The following GPC5 variants were observed in gnomAD, a reference collection of about 807,000 sequenced individuals.
The protein encoded by GPC5 is glypican 5, also known as glypican-5.
Under a neutral mutation model 53.9 loss-of-function variants are expected in GPC5, and 47 were observed. The ratio of observed to expected loss-of-function variants is 0.87; its 90% CI spans 0.69 to 1.11. GPC5 has a LOEUF of 1.11. Ranked by LOEUF, GPC5 falls within the 50% of genes most tolerant of loss-of-function variation. GPC5 has a pLI of 0.00. For synonymous variants in GPC5, 286 were observed against 263.3 expected, an observed-to-expected ratio of 1.09 and a Z score of -0.84; for missense variants, 748 against 713.1, an observed-to-expected ratio of 1.05 and a Z score of -0.56.
chr13:92,415,088 A>C (rs1876227324), intron 7 of GPC5, among the ~76,000 whole-genome samples: 1 of 152,226 alleles, frequency 6.6e-6, no homozygotes, highest in African/African-American at 2.4e-5. Flanking sequence ...GGAATGAAAG[A>C]AGCTGGAATG....
chr13:92,493,979 T>C (rs1879863373), intron 7 of GPC5, among the ~76,000 whole-genome samples: 1 of 152,230 alleles, frequency 6.6e-6, no homozygotes, highest in South Asian at 2.1e-4. Flanking sequence ...AAAAATATAA[T>C]TCACAATTCA....
chr13:92,196,808 C>T (rs968028642), intron 7 of GPC5, among the ~76,000 whole-genome samples: 3 of 59,942 alleles, frequency 5.0e-5, no homozygotes, highest in East Asian at 0.01. Context: ...GATAAACAGG[C>T]GCAGACAGAA....
chr13:91,809,941 G>A (rs1226284480), intron 5 of GPC5, among the ~76,000 whole-genome samples: 1 of 151,964 alleles, frequency 6.6e-6, no homozygotes, highest in Admixed American at 6.6e-5. Context: ...GAAGGTTATG[G>A]TGTGAAATCT....
At chr13:92,182,731 C>CG (rs1295351541) in intron 7 of GPC5, among the ~76,000 whole-genome samples, 1 of 151,876 alleles carries the variant, frequency 6.6e-6, no homozygotes, top group Non-Finnish European at 1.5e-5. Context: ...TAGCCGGGCG[C>CG]GGTGGTGGGC....
intron 2 of GPC5, among the ~76,000 whole-genome samples, chr13:91,504,602 C>T (rs549357297): frequency 1.3e-5 from 2 of 152,122 alleles, no homozygotes; most frequent in East Asian, 1.9e-4. Context: ...AAAATAAATA[C>T]GTAACCTTAG....
chr13:92,572,758 T>C (rs555869327), intron 7 of GPC5, among the ~76,000 whole-genome samples: 7 of 152,176 alleles, frequency 4.6e-5, no homozygotes, highest in Non-Finnish European at 1.0e-4. Flanking sequence ...CTTCATGATT[T>C]ATTATTCTGT....
intron 7 of GPC5, among the ~76,000 whole-genome samples, chr13:92,795,520 C>A (rs1876641002): frequency 1.3e-5 from 2 of 152,084 alleles, no homozygotes; most frequent in African/African-American, 4.8e-5. Context: ...CAACAAAAGC[C>A]AAAATAGACT....
rs143203362 is a variant in GPC5, at chr13:92,566,951, T to G, written c.1562-299331T>G. 3.1e-3 allele frequency among the ~76,000 whole-genome samples: 468 copies of G among 152,302 alleles called. 6 individuals carry two copies. The highest frequency in any genetic ancestry group is 0.01 in the South Asian group (49 of 4,832). On this transcript the variant is annotated intron_variant, in intron 7 of 7. Coordinates refer to ENST00000377067, the MANE Select transcript of GPC5 (RefSeq NM_004466.6). ...GAGGATGATTATAATAAATATTTGA[T>G]GACACATTGAAATTCTTCATGATTG... is the stretch of plus-strand genomic sequence containing the variant.
chr13:92,806,062 G>A lies in GPC5; in HGVS notation c.1562-60220G>A, dbSNP rs146903755. 4.4e-3 allele frequency among the ~76,000 whole-genome samples: 666 copies of A among 152,058 alleles called. 10 individuals are homozygous for A. The highest frequency in any genetic ancestry group is 2.6e-3 in the Non-Finnish European group (180 of 67,974). On this transcript the variant is annotated intron_variant, in intron 7 of 7. Transcript: ENST00000377067. ...AGATGGCATCTTCTTCCAGTAGAAG[G>A]CTGTTTTGTTTCCATTGAAAATCTA...
intron 2 of GPC5, among the ~76,000 whole-genome samples, chr13:91,590,680 A>G (rs2032764110): frequency 6.6e-6 from 1 of 152,166 alleles, no homozygotes; most frequent in African/African-American, 2.4e-5. Flanking sequence ...TTGAGTCACC[A>G]CTGCTTTTCC....
chr13:92,833,360 A>G (rs1878115614), intron 7 of GPC5, among the ~76,000 whole-genome samples: 1 of 152,216 alleles, frequency 6.6e-6, no homozygotes, highest in Non-Finnish European at 1.5e-5. Context: ...CAGATTTCAG[A>G]TAAACAAATT....
chr13:91,818,860 C>T (rs1024232338), intron 5 of GPC5, among the ~76,000 whole-genome samples: 1 of 152,102 alleles, frequency 6.6e-6, no homozygotes, highest in South Asian at 2.1e-4. Flanking sequence ...GAGTTGAGTC[C>T]GTCCTCATGT....
intron 7 of GPC5, among the ~76,000 whole-genome samples, chr13:92,636,413 T>A (rs1002452301): frequency 6.6e-6 from 1 of 152,184 alleles, no homozygotes; most frequent in African/African-American, 2.4e-5. Context: ...ATGCTCTCTG[T>A]ATTTTGTTTC....
chr13:92,626,996 T>C (rs12323068), intron 7 of GPC5, among the ~76,000 whole-genome samples: 4,445 of 152,282 alleles, frequency 0.029, 185 homozygotes, highest in African/African-American at 0.086. Flanking sequence ...TTGTCATTGA[T>C]TGAATGAAGC....
intron 7 of GPC5, among the ~76,000 whole-genome samples, chr13:92,592,494 G>A (rs763859693): frequency 1.3e-5 from 2 of 151,272 alleles, no homozygotes; most frequent in Non-Finnish European, 3.0e-5. Context: ...TACAGGGGAT[G>A]GAGTGGTAAG....
chr13:91,534,732 T>C (rs1886506208), intron 2 of GPC5, among the ~76,000 whole-genome samples: 1 of 152,214 alleles, frequency 6.6e-6, no homozygotes. Context: ...CATCACTGAA[T>C]CCTGGAAATT....
intron 7 of GPC5, among the ~76,000 whole-genome samples, chr13:92,626,860 A>C (rs955188928): frequency 5.9e-5 from 9 of 152,206 alleles, no homozygotes; most frequent in Non-Finnish European, 8.8e-5. Flanking sequence ...TAGAATTTTC[A>C]GTATATAATG....
intron 7 of GPC5, among the ~76,000 whole-genome samples, chr13:92,190,552 G>A (rs972828341): frequency 2.6e-5 from 4 of 151,642 alleles, no homozygotes; most frequent in Admixed American, 6.6e-5. Context: ...TAAGTGAAAC[G>A]AATGATAATG....
intron 6 of GPC5, among the ~76,000 whole-genome samples, chr13:92,078,940 T>C (rs76791666): frequency 2.6e-5 from 4 of 152,242 alleles, no homozygotes; most frequent in Non-Finnish European, 4.4e-5. Context: ...GTGATTTTCC[T>C]TGAGACCTCA....
Sources: gnomAD v4.1 joint callset for allele counts (sites outside exome capture counted in the v4.1 genomes callset) on GRCh38, gnomAD v4.1.1 for gene constraint, MANE v1.5 for transcripts, NCBI Gene and HGNC (gene_info 2026-07-23, HGNC 2026-07-21) for gene names.